Variants in HEMK2 observed in about 807,000 individuals in gnomAD.
HEMK2 encodes methyltransferase HEMK2.
At chr21:28,875,783 T>G in the HEMK2 span, 1 of 152,236 alleles carries the variant, frequency 6.6e-6, no homozygotes, top group Non-Finnish European at 1.5e-5. Flanking sequence ...CCCATGTCAC[T>G]GGATCCCTAC....
chr21:28,880,385 G>C, the HEMK2 span, among the ~76,000 whole-genome samples: 1 of 151,892 alleles, frequency 6.6e-6, no homozygotes, highest in East Asian at 1.9e-4. Flanking sequence ...TCTATCTCTG[G>C]TGTTTCACCA....
the HEMK2 span, among the ~76,000 whole-genome samples, chr21:28,849,114 T>G: frequency 2.6e-5 from 4 of 152,096 alleles, no homozygotes; most frequent in African/African-American, 9.7e-5. Flanking sequence ...TTGTGGCCAG[T>G]GGACTGGGAA....
the HEMK2 span, among the ~76,000 whole-genome samples, chr21:28,783,003 G>T: frequency 6.6e-6 from 1 of 152,122 alleles, no homozygotes; most frequent in Non-Finnish European, 1.5e-5. Flanking sequence ...CTTTCACACA[G>T]ACATCCCTGA....
chr21:28,728,585 G>A, the HEMK2 span, among the ~76,000 whole-genome samples: 2 of 152,230 alleles, frequency 1.3e-5, no homozygotes, highest in South Asian at 2.1e-4. Flanking sequence ...CAGACCACAG[G>A]GGGTGGAAAA....
At chr21:28,883,950 G>A in the HEMK2 span, among the ~76,000 whole-genome samples, 3 of 152,154 alleles carry the variant, frequency 2.0e-5, no homozygotes, top group African/African-American at 7.2e-5. Context: ...TCAGCTTGAT[G>A]GCATTTAGGG....
chr21:28,802,790 T>C, the HEMK2 span, among the ~76,000 whole-genome samples: 1 of 152,212 alleles, frequency 6.6e-6, no homozygotes, highest in Non-Finnish European at 1.5e-5. Context: ...AAGCTTTTAA[T>C]AATTTTAGCA....
At chr21:28,610,948 T>C in the HEMK2 span, among the ~76,000 whole-genome samples, 1 of 152,134 alleles carries the variant, frequency 6.6e-6, no homozygotes, top group Non-Finnish European at 1.5e-5. Flanking sequence ...ACAATAATAG[T>C]GTGGGAATTT....
chr21:28,872,901 G>A, the HEMK2 span: 1 of 152,158 alleles, frequency 6.6e-6, no homozygotes, highest in African/African-American at 2.4e-5. Context: ...GAGTCCCCCA[G>A]TTCAAATGCA....
chr21:28,862,264 G>A, the HEMK2 span, among the ~76,000 whole-genome samples: 1 of 152,208 alleles, frequency 6.6e-6, no homozygotes, highest in Non-Finnish European at 1.5e-5. Flanking sequence ...CAGGAATAAA[G>A]GTTTGGGTCA....
the HEMK2 span, among the ~76,000 whole-genome samples, chr21:28,734,456 G>A: frequency 2.0e-5 from 3 of 152,246 alleles, no homozygotes; most frequent in East Asian, 5.8e-4. Flanking sequence ...TTATAATGGT[G>A]AAAAGGTGAG....
At chr21:28,596,097 C>T in the HEMK2 span, among the ~76,000 whole-genome samples, 1 of 151,932 alleles carries the variant, frequency 6.6e-6, no homozygotes, top group Non-Finnish European at 1.5e-5. Context: ...GGCTGGAGTG[C>T]AGTGGTGCGA....
At chr21:28,590,291 T>C in the HEMK2 span, among the ~76,000 whole-genome samples, 1 of 152,136 alleles carries the variant, frequency 6.6e-6, no homozygotes, top group Non-Finnish European at 1.5e-5. Flanking sequence ...TGGACACCAG[T>C]GTAAGCGTGA....
chr21:28,625,478 C>T, the HEMK2 span, among the ~76,000 whole-genome samples: 267 of 152,158 alleles, frequency 1.8e-3, no homozygotes, highest in East Asian at 0.01. Context: ...CCCAGCACTT[C>T]GGGAGGCCAA....
the HEMK2 span, among the ~76,000 whole-genome samples, chr21:28,836,218 T>C: frequency 2.0e-5 from 3 of 152,128 alleles, no homozygotes; most frequent in Non-Finnish European, 4.4e-5. Flanking sequence ...AAGGAAAGAA[T>C]CTTAAGAGCT....
chr21:28,719,824 T>G, the HEMK2 span, among the ~76,000 whole-genome samples: 1 of 152,212 alleles, frequency 6.6e-6, no homozygotes, highest in Non-Finnish European at 1.5e-5. Context: ...TATTCAGAGA[T>G]TCACTTATTT....
At chr21:28,621,358 C>A in the HEMK2 span, among the ~76,000 whole-genome samples, 7 of 152,110 alleles carry the variant, frequency 4.6e-5, no homozygotes, top group African/African-American at 1.7e-4. Context: ...GTTCAGTTTC[C>A]GTGTAGTTGT....
the HEMK2 span, among the ~76,000 whole-genome samples, chr21:28,765,127 G>C: frequency 6.6e-6 from 1 of 152,074 alleles, no homozygotes; most frequent in Admixed American, 6.6e-5. Flanking sequence ...GAGCAAGTGG[G>C]TATGTTGAGA....
At chr21:28,845,315 A>G in the HEMK2 span, among the ~76,000 whole-genome samples, 1 of 152,090 alleles carries the variant, frequency 6.6e-6, no homozygotes, top group Non-Finnish European at 1.5e-5. Context: ...TCCCAACCAC[A>G]TGATTATGAT....
At chr21:28,879,035 T>C in the HEMK2 span, among the ~76,000 whole-genome samples, 1 of 148,710 alleles carries the variant, frequency 6.7e-6, no homozygotes, top group Admixed American at 6.7e-5. Context: ...CAGGAGTTTA[T>C]ATAATATTAA....
Sources: gnomAD v4.1 joint callset for allele counts (sites outside exome capture counted in the v4.1 genomes callset) on GRCh38, gnomAD v4.1.1 for gene constraint, MANE v1.5 for transcripts, NCBI Gene and HGNC (gene_info 2026-07-23, HGNC 2026-07-21) for gene names.